NBPF10: variants seen among roughly 807,000 people sequenced by gnomAD.
The protein encoded by NBPF10 is NBPF family member NBPF10.
A neutral mutation model predicts 77.9 loss-of-function variants in NBPF10; 63 were observed. The ratio of observed to expected loss-of-function variants is 0.81; its 90% CI spans 0.66 to 1.00. The LOEUF is 1.00. NBPF10 is among the 50% of genes least tolerant of loss of function. NBPF10 has a pLI of 0.00. For missense variants in NBPF10, 522 were observed against 679.8 expected (o/e 0.77, Z 2.58); for synonymous variants, 146 against 264.5 (o/e 0.55, Z 4.35).
At chr1:146,076,302 CAGAGAGAGAG>C (rs1158170059) in intron 77 of NBPF10, among the ~76,000 whole-genome samples, 30 of 4,856 alleles carry the variant, frequency 6.2e-3, no homozygotes, top group East Asian at 0.028. Context: ...CACACACACA[CAGAGAGAGAG>C]AGAGAACGAG....
intron 88 of NBPF10, 131 bp downstream of exon 88, chr1:146,067,872 C>A (rs1249577218): frequency 1.4e-5 from 10 of 697,040 alleles, no homozygotes; most frequent in South Asian, 4.5e-5. Context: ...TCATTACAAC[C>A]TATATGCGCC....
chr1:146,123,477 C>CAG (rs1658317634), intron 17 of NBPF10, among the ~76,000 whole-genome samples, 199 bp from the exon 18 acceptor site: 8 of 37,412 alleles, frequency 2.1e-4, no homozygotes, highest in Non-Finnish European at 4.7e-4. Context: ...GACAGATAGA[C>CAG]ACACACACAC....
chr1:146,067,141 T>C (rs782156292), intron 89 of NBPF10, 39 bp downstream of exon 89: 1 of 628,818 alleles, frequency 1.6e-6, no homozygotes, highest in Non-Finnish European at 3.0e-6. Flanking sequence ...CCTCCAGGTG[T>C]TAACACAGAA....
intron 7 of NBPF10, 85 bp downstream of exon 7, chr1:146,136,268 T>G (rs6697832): frequency 1.3e-4 from 94 of 749,182 alleles, no homozygotes; most frequent in Middle Eastern, 3.8e-4. Context: ...TGGCCCAGCT[T>G]AGCTCTTACG....
chr1:146,125,914 A>C (rs1553789707), intron 14 of NBPF10, among the ~76,000 whole-genome samples: 1 of 151,574 alleles, frequency 6.6e-6, no homozygotes, highest in Non-Finnish European at 1.5e-5. Context: ...ATTAGAGTAA[A>C]GGATGAAATC....
intron 14 of NBPF10, among the ~76,000 whole-genome samples, chr1:146,125,871 T>C (rs1254252586): frequency 2.6e-5 from 4 of 151,166 alleles, no homozygotes; most frequent in Admixed American, 2.0e-4. Context: ...AATACTCAGA[T>C]TGTTCATGGT....
In NBPF10 at chr1:146,073,061, G is replaced by A. The variant is rs1440033084; in HGVS notation, c.10131-160C>T. ...TTGCCTTTATGTTGGGATAGACCAGGGCCAGGTAGAAAAGAATGAAAGAGA... is the reference window on the plus strand; with the variant it reads ...TTGCCTTTATGTTGGGATAGACCAGAGCCAGGTAGAAAAGAATGAAAGAGA... On this transcript the variant is annotated intron_variant, in intron 81 of 89. Transcript: ENST00000583866. 3.4e-5 allele frequency among the ~76,000 whole-genome samples: 2 copies of A among 58,666 alleles called. 1 individual carries two copies. Among genetic ancestry groups the A allele is most frequent in the Non-Finnish European group, 6.1e-5 (2 of 32,896 alleles). 38.5% of individuals were successfully genotyped at this position (58,666 alleles called of 152,430 possible).
chr1:146,074,354 T>C, exon 80 of NBPF10: 2 of 136,902 alleles, frequency 1.5e-5, no homozygotes, highest in Non-Finnish European at 2.6e-5. Context: ...GTCAGTCAGT[T>C]CAAGATAACC....
chr1:146,066,771 C>A (rs113226996), intron 89 of NBPF10, among the ~76,000 whole-genome samples: 14 of 149,402 alleles, frequency 9.4e-5, no homozygotes, highest in African/African-American at 3.4e-4. Flanking sequence ...GAGAGAGAGA[C>A]AGAGACAGAG....
intron 89 of NBPF10, 28 bp downstream of exon 89, chr1:146,067,152 C>A (rs371937262): frequency 1.9e-6 from 1 of 527,978 alleles, no homozygotes; most frequent in African/African-American, 2.0e-5. Flanking sequence ...TAACACAGAA[C>A]TAAGGATCCA....
chr1:146,125,988 C>G (rs116110276), intron 14 of NBPF10, among the ~76,000 whole-genome samples: 5,180 of 151,718 alleles, frequency 0.034, 251 homozygotes, highest in Non-Finnish European at 0.054. Flanking sequence ...TGCCCAGATC[C>G]AACATCTTGA....
At chr1:146,067,240 T>G (rs77437348) in exon 89 of NBPF10, 25 of 566,044 alleles carry the variant, frequency 4.4e-5, no homozygotes, top group Non-Finnish European at 7.9e-5. Flanking sequence ...TCTTTCCTTC[T>G]TTGATCTTCT....
chr1:146,066,717 G>T (rs1176680873), intron 89 of NBPF10, among the ~76,000 whole-genome samples, 156 bp from the exon 90 acceptor site: 1 of 149,378 alleles, frequency 6.7e-6, no homozygotes. Flanking sequence ...TTTATGTTGG[G>T]ATAGAACAGG....
intron 88 of NBPF10, among the ~76,000 whole-genome samples, chr1:146,067,500 G>C (rs868936759): frequency 4.8e-5 from 7 of 145,986 alleles, no homozygotes; most frequent in South Asian, 4.5e-4. Flanking sequence ...CCCTATTCTA[G>C]TAGATCGTTA....
At position 146,127,188 on chromosome 1, in the gene NBPF10, C is replaced by T. The variant is rs587703870; in HGVS notation, c.1802-109G>A. 6.7e-6 allele frequency: 4 copies of T among 599,542 alleles called. 2 individuals carry two copies. The highest frequency in any genetic ancestry group is 5.7e-6 in the Non-Finnish European group (2 of 352,546). The allele number at this position is 599,542 out of a possible 1,614,324, so 37.1% of individuals were successfully genotyped here. On this transcript the variant is annotated intron_variant, in intron 12 of 89. Transcript: ENST00000583866. ...GACATCAGTCTTGTCAGTGTGAGAACAGGAGACTTTCAGAGAAATATTCCA... is the reference window on the plus strand; with the variant it reads ...GACATCAGTCTTGTCAGTGTGAGAATAGGAGACTTTCAGAGAAATATTCCA...
chr1:146,139,178 C>A (rs1242046495), intron 5 of NBPF10, among the ~76,000 whole-genome samples: 1 of 145,690 alleles, frequency 6.9e-6, no homozygotes, highest in Non-Finnish European at 1.5e-5. Flanking sequence ...CGGCTCACTG[C>A]AAGCTCCGGT....
chr1:146,126,326 A>C (rs2102169860), exon 14 of NBPF10: 1 of 1,295,918 alleles, frequency 7.7e-7, no homozygotes, highest in Non-Finnish European at 1.1e-6. Flanking sequence ...AGTTCAAGAC[A>C]ACCTGAAGGA....
At chr1:146,066,994 A>C (rs1553777740) in intron 89 of NBPF10, among the ~76,000 whole-genome samples, 186 bp downstream of exon 89, 2 of 144,260 alleles carry the variant, frequency 1.4e-5, no homozygotes, top group Non-Finnish European at 1.5e-5. Context: ...ATGGTACGTT[A>C]GGAAATGATA....
chr1:146,142,261 G>A (rs1348736192), intron 2 of NBPF10, among the ~76,000 whole-genome samples: 2 of 113,110 alleles, frequency 1.8e-5, no homozygotes, highest in Non-Finnish European at 4.0e-5. Context: ...GGTCGAGGAG[G>A]CAACATTGAT....
Sources: allele counts gnomAD v4.1 joint callset (sites outside exome capture counted in the v4.1 genomes callset), GRCh38; gene constraint gnomAD v4.1.1; transcripts MANE v1.5; gene names NCBI Gene and HGNC (gene_info 2026-07-23, HGNC 2026-07-21).